The following STUM variants were observed in gnomAD, a reference collection of about 807,000 sequenced individuals.
STUM encodes the protein protein stum homolog.
Under a neutral mutation model 15.3 loss-of-function variants are expected in STUM, and 8 were observed. That is an observed-to-expected ratio of 0.52 (90% CI 0.31 to 0.94). The LOEUF (loss-of-function observed/expected upper bound fraction) is 0.94. Ranked by LOEUF, STUM falls within the 40% of genes least tolerant of loss-of-function variation. The pLI, the probability that STUM is intolerant of heterozygous loss-of-function variation, is 0.05. For missense variants in STUM, 142 were observed against 204.9 expected (o/e 0.69, Z 1.87); for synonymous variants, 78 against 88.7 (o/e 0.88, Z 0.68).
intron 1 of STUM, among the ~76,000 whole-genome samples, chr1:226,562,563 C>A (rs1463788345): frequency 6.6e-6 from 1 of 152,072 alleles, no homozygotes; most frequent in Non-Finnish European, 1.5e-5. Flanking sequence ...CATGTACCTC[C>A]TGATATGATA....
In STUM at chr1:226,565,519, C is replaced by T. The variant is rs1274408815; in HGVS notation, c.202+16413C>T. On this transcript the variant is annotated intron_variant, in intron 1 of 3. Transcript: ENST00000366788. This position sits in a 1 kb window ranked among gnomAD's most constrained non-coding sequence, Gnocchi z 4.4. ...TAAAGATGTTGGTTTCTAACACAGTCTTCCTCCTAGAAGCTCTGAAACAGC... is the reference window on the plus strand; with the variant it reads ...TAAAGATGTTGGTTTCTAACACAGTTTTCCTCCTAGAAGCTCTGAAACAGC... 6.6e-6 allele frequency among the ~76,000 whole-genome samples: 1 copy of T among 152,236 alleles called. No individual in the cohort carries two copies. Among genetic ancestry groups the T allele is most frequent in the Non-Finnish European group, 1.5e-5 (1 of 68,038 alleles).
At chr1:226,589,263 G>T (rs181166089) in intron 1 of STUM, among the ~76,000 whole-genome samples, 1 of 152,266 alleles carries the variant, frequency 6.6e-6, no homozygotes, top group East Asian at 1.9e-4. Flanking sequence ...CTATCTCGTG[G>T]GAGCAGAGCC....
chr1:226,585,237 TG>T (rs1437481304), intron 1 of STUM, among the ~76,000 whole-genome samples: 2 of 152,186 alleles, frequency 1.3e-5, no homozygotes, highest in Non-Finnish European at 1.5e-5. Flanking sequence ...CAGGATTCAT[TG>T]AGATCTTCAA....
chr1:226,554,079 C>T (rs1014893723), intron 1 of STUM, among the ~76,000 whole-genome samples: 4 of 152,198 alleles, frequency 2.6e-5, no homozygotes, highest in Admixed American at 2.0e-4. Flanking sequence ...CCACGTGACT[C>T]GCTTTGGCCA....
At position 226,562,102 on chromosome 1, in the gene STUM, G is replaced by T. The variant is rs116716622; in HGVS notation, c.202+12996G>T. ...TCTAAATGTTCTAAAATTGATTGTG[G>T]TGATGGTTCCACAAAGCTGTGAATA... On this transcript the variant is annotated intron_variant, in intron 1 of 3. Transcript: ENST00000366788. 4.8e-3 allele frequency among the ~76,000 whole-genome samples: 728 copies of T among 152,166 alleles called. 2 individuals carry two copies. The highest frequency in any genetic ancestry group is 0.017 in the African/African-American group (698 of 41,500).
rs916651497 is a variant in STUM at position 226,608,620 on chromosome 1, G to T, written c.*6580G>T. 2.2e-4 allele frequency: 33 copies of T among 152,164 alleles called. No homozygotes were observed. Among genetic ancestry groups the T allele is most frequent in the African/African-American group, 8.0e-4 (33 of 41,424 alleles). The allele number at this position is 152,164 out of a possible 1,614,324, so 9.4% of individuals were successfully genotyped here. ...GTGCGTTTTCACTGTTCTTAGAGAAGACCCTGAGCTCCTGGGGTTTTCTTG... is the reference window on the plus strand; with the variant it reads ...GTGCGTTTTCACTGTTCTTAGAGAATACCCTGAGCTCCTGGGGTTTTCTTG... On this transcript the variant is annotated 3_prime_UTR_variant, in exon 4 of 4. Transcript: ENST00000366788. This position sits in a 1 kb window ranked among gnomAD's most constrained non-coding sequence, Gnocchi z 4.0.
At chr1:226,572,724 AG>A (rs1238687004) in intron 1 of STUM, among the ~76,000 whole-genome samples, 2 of 152,206 alleles carry the variant, frequency 1.3e-5, no homozygotes, top group African/African-American at 4.8e-5. Context: ...AATGCCTGGA[AG>A]CCCCTCAAGT....
chr1:226,578,359 C>CTTTTTTTTTTTTTTT (rs34568214), intron 1 of STUM, among the ~76,000 whole-genome samples: 1 of 67,258 alleles, frequency 1.5e-5, no homozygotes, highest in Non-Finnish European at 2.6e-5. Context: ...CAACCCCCAG[C>CTTTTTTTTTTTTTTT]TTTTTTTTTT....
At chr1:226,601,049 TG>T (rs1349890728) in intron 3 of STUM, among the ~76,000 whole-genome samples, 1 of 152,182 alleles carries the variant, frequency 6.6e-6, no homozygotes, top group Non-Finnish European at 1.5e-5. Flanking sequence ...CTAAGTTCAC[TG>T]GCTAATAGGA....
chr1:226,553,100 G>C (rs758140408), intron 1 of STUM, among the ~76,000 whole-genome samples: 3 of 152,170 alleles, frequency 2.0e-5, no homozygotes, highest in Non-Finnish European at 2.9e-5. Flanking sequence ...TTTCAACAAA[G>C]TAAGGGAGTA....
intron 1 of STUM, among the ~76,000 whole-genome samples, chr1:226,569,347 C>CCCAA (rs1334958881): frequency 3.9e-5 from 6 of 152,188 alleles, no homozygotes; most frequent in African/African-American, 7.2e-5. Flanking sequence ...CCCATTCCAG[C>CCCAA]TGTGAGAGGC....
chr1:226,555,454 A>C (rs1667432147), intron 1 of STUM, among the ~76,000 whole-genome samples: 1 of 152,170 alleles, frequency 6.6e-6, no homozygotes, highest in African/African-American at 2.4e-5. Context: ...CCATCTCAGC[A>C]AATGGCGACC....
At chr1:226,596,544 G>A (rs1208035196) in intron 1 of STUM, among the ~76,000 whole-genome samples, 1 of 152,210 alleles carries the variant, frequency 6.6e-6, no homozygotes, top group Non-Finnish European at 1.5e-5. Context: ...CTCCCCCAGA[G>A]GTTCCAAGAC....
intron 1 of STUM, among the ~76,000 whole-genome samples, chr1:226,558,309 A>G (rs1454030167): frequency 6.6e-6 from 1 of 152,240 alleles, no homozygotes; most frequent in Non-Finnish European, 1.5e-5. Flanking sequence ...TCAACACACA[A>G]AAATCATTAG....
chr1:226,561,448 G>A (rs554110830), intron 1 of STUM, among the ~76,000 whole-genome samples: 10 of 152,274 alleles, frequency 6.6e-5, no homozygotes, highest in Admixed American at 6.5e-4. Context: ...GAGGGCAGAT[G>A]TGTTGTCCTG....
At position 226,606,832 on chromosome 1, in the gene STUM, G is replaced by A. The variant is rs766206861; in HGVS notation, c.*4792G>A. On this transcript the variant is annotated 3_prime_UTR_variant, in exon 4 of 4. Coordinates refer to ENST00000366788, the MANE Select transcript of STUM (RefSeq NM_001003665.4). ...GGGCTCAATGAGCAGCCAGGTAGTG[G>A]CCTCGGGCAGTCCTCACCAGGGGGA... 2 of 152,250 alleles carry A rather than the reference G, an allele frequency of 1.3e-5. No individual in the cohort carries two copies. Among genetic ancestry groups the A allele is most frequent in the Non-Finnish European group, 2.9e-5 (2 of 68,084 alleles). 9.4% of individuals were successfully genotyped at this position (152,250 alleles called of 1,614,324 possible). A position where few individuals can be genotyped will look rare whatever the true frequency, so the allele number is the denominator to read the frequency against.
intron 1 of STUM, among the ~76,000 whole-genome samples, chr1:226,578,013 T>C (rs932551949): frequency 5.9e-5 from 9 of 152,094 alleles, no homozygotes; most frequent in Non-Finnish European, 1.3e-4. Flanking sequence ...TACTTTTTCA[T>C]TGTGATGAGA....
intron 2 of STUM, among the ~76,000 whole-genome samples, 173 bp downstream of exon 2, chr1:226,597,154 C>A (rs557601882): frequency 1.3e-5 from 2 of 152,336 alleles, no homozygotes; most frequent in South Asian, 4.1e-4. Context: ...CACTGGGGAC[C>A]CTCCCCGCCA....
In STUM at chr1:226,600,782, TCAA is replaced by T; in HGVS notation, c.391+109_391+111del. On this transcript the variant is annotated intron_variant, in intron 3 of 3. Transcript: ENST00000366788. The surrounding 1 kb of genome is among the most constrained non-coding windows in gnomAD (Gnocchi z 5.2). The stretch of plus-strand genomic sequence containing the variant: ...ACACCCCACCCACTCTCCCAGTGGG[TCAA>T]TGGGCTTTTATGTTTAGCTTGAACT... 3 of 1,211,916 alleles carry T rather than the reference TCAA, an allele frequency of 2.5e-6. No homozygotes were observed. Among genetic ancestry groups the T allele is most frequent in the Non-Finnish European group, 3.6e-6 (3 of 830,550 alleles). 75.1% of individuals were successfully genotyped at this position (1,211,916 alleles called of 1,614,324 possible). A position where few individuals can be genotyped will look rare whatever the true frequency, so the allele number is the denominator to read the frequency against.
Sources: allele counts gnomAD v4.1 joint callset (sites outside exome capture counted in the v4.1 genomes callset), GRCh38; gene constraint gnomAD v4.1.1; non-coding constraint Gnocchi (gnomAD v3.1); transcripts MANE v1.5; gene names NCBI Gene and HGNC (gene_info 2026-07-23, HGNC 2026-07-21).